SMYD3: variants seen among roughly 807,000 people sequenced by gnomAD.
SMYD3 encodes histone-lysine N-methyltransferase SMYD3.
SMYD3 carries 36 observed loss-of-function variants against 57.7 expected under a neutral mutation model. The observed-to-expected ratio is 0.62, with a 90% confidence interval of 0.48 to 0.82. The LOEUF (loss-of-function observed/expected upper bound fraction) is 0.82, where lower values mean the gene tolerates loss of function less well. Among genes scored for constraint, SMYD3 ranks in the 40% least tolerant of loss-of-function variants. The pLI is 0.00. For synonymous variants in SMYD3, 211 were observed against 195.0 expected (o/e 1.08, Z -0.68); for missense variants, 515 against 538.8 (o/e 0.96, Z 0.44).
At chr1:245,820,255 A>C (rs1391744767) in intron 10 of SMYD3, among the ~76,000 whole-genome samples, 19 of 151,614 alleles carry the variant, frequency 1.3e-4, no homozygotes, top group Admixed American at 9.9e-4. Flanking sequence ...GCAAATCAAT[A>C]AATGTAATCC....
chr1:246,058,602 A>G (rs1025346442), intron 5 of SMYD3, among the ~76,000 whole-genome samples: 10 of 152,162 alleles, frequency 6.6e-5, no homozygotes, highest in African/African-American at 2.4e-4. Context: ...CATTTGGAAG[A>G]TTGTCTTTCA....
At chr1:245,859,170 C>A (rs2051406688) in intron 9 of SMYD3, among the ~76,000 whole-genome samples, 1 of 152,210 alleles carries the variant, frequency 6.6e-6, no homozygotes, top group African/African-American at 2.4e-5. Flanking sequence ...CAAAAACTCA[C>A]ACAACCCACA....
intron 5 of SMYD3, among the ~76,000 whole-genome samples, chr1:246,179,451 T>C (rs541035326): frequency 1.3e-5 from 2 of 152,346 alleles, no homozygotes; most frequent in South Asian, 2.1e-4. Flanking sequence ...CACTGAATTC[T>C]ATTTTCTCAG....
At chr1:245,901,644 C>T (rs1423388684) in intron 8 of SMYD3, among the ~76,000 whole-genome samples, 1 of 14,698 alleles carries the variant, frequency 6.8e-5, no homozygotes, top group East Asian at 4.1e-3. Flanking sequence ...GCACTCATCT[C>T]CTCCACCAAA....
At chr1:246,257,027 G>A (rs1184151291) in intron 5 of SMYD3, among the ~76,000 whole-genome samples, 1 of 152,108 alleles carries the variant, frequency 6.6e-6, no homozygotes, top group East Asian at 1.9e-4. Context: ...TTAGAATATG[G>A]TTGCTATGAT....
intron 8 of SMYD3, among the ~76,000 whole-genome samples, chr1:245,875,208 C>T (rs1230329505): frequency 6.6e-6 from 1 of 152,264 alleles, no homozygotes; most frequent in East Asian, 1.9e-4. Flanking sequence ...GCCTCCACCT[C>T]CATTCTCTTG....
intron 5 of SMYD3, among the ~76,000 whole-genome samples, chr1:246,027,833 C>A (rs1187645212): frequency 6.6e-6 from 1 of 152,168 alleles, no homozygotes; most frequent in Non-Finnish European, 1.5e-5. Context: ...CTATAGCTGC[C>A]ATCAATATTG....
At chr1:246,327,898 A>G (rs1460719377) in intron 4 of SMYD3, among the ~76,000 whole-genome samples, 1 of 152,232 alleles carries the variant, frequency 6.6e-6, no homozygotes, top group African/African-American at 2.4e-5. Context: ...TGAGTTGAAT[A>G]AACAAGATAA....
chr1:246,140,045 G>A (rs1398613778), intron 5 of SMYD3, among the ~76,000 whole-genome samples: 1 of 152,128 alleles, frequency 6.6e-6, no homozygotes, highest in African/African-American at 2.4e-5. Flanking sequence ...CATAAGAATG[G>A]ACAAATCATT....
intron 5 of SMYD3, among the ~76,000 whole-genome samples, chr1:246,201,639 A>G (rs1473362586): frequency 6.6e-6 from 1 of 152,224 alleles, no homozygotes; most frequent in African/African-American, 2.4e-5. Context: ...CTAACTTACC[A>G]CACTTCAAAC....
intron 8 of SMYD3, among the ~76,000 whole-genome samples, chr1:245,884,240 C>G (rs973431710): frequency 6.6e-6 from 1 of 152,098 alleles, no homozygotes; most frequent in Non-Finnish European, 1.5e-5. Context: ...TCTCCCTGAC[C>G]ATGATGCAGC....
chr1:245,800,728 G>A (rs539292280), intron 10 of SMYD3, among the ~76,000 whole-genome samples: 78 of 152,166 alleles, frequency 5.1e-4, no homozygotes, highest in African/African-American at 1.8e-3. Flanking sequence ...TTTTCCTAAA[G>A]CAAGTAGTGG....
rs183658449 is a variant in SMYD3, at chr1:246,165,173, G to A, written c.531+162028C>T. ...AGCAACATGGAGATTGCTGCTCATC[G>A]CAACTACAGCAGTTTCAATTGAGTT... On this transcript the variant is annotated intron_variant, in intron 5 of 11. Transcript: ENST00000490107. 3.9e-5 allele frequency among the ~76,000 whole-genome samples: 6 copies of A among 152,328 alleles called. No homozygotes were observed. The South Asian group carries it at 8.3e-4, about 21-fold the overall frequency.
At chr1:246,498,546 A>T (rs2068403782) in intron 1 of SMYD3, among the ~76,000 whole-genome samples, 1 of 152,222 alleles carries the variant, frequency 6.6e-6, no homozygotes, top group Non-Finnish European at 1.5e-5. Context: ...ATCCTGGCTA[A>T]TGGTGAAACC....
At chr1:246,443,845 T>C (rs999296234) in intron 1 of SMYD3, among the ~76,000 whole-genome samples, 1 of 152,218 alleles carries the variant, frequency 6.6e-6, no homozygotes, top group African/African-American at 2.4e-5. Flanking sequence ...CCAAACAATC[T>C]AATTGTTAAG....
At chr1:246,184,319 T>C (rs1410256908) in intron 5 of SMYD3, among the ~76,000 whole-genome samples, 1 of 152,168 alleles carries the variant, frequency 6.6e-6, no homozygotes, top group South Asian at 2.1e-4. Flanking sequence ...TGGGAAAACC[T>C]TGTAACCACT....
intron 2 of SMYD3, among the ~76,000 whole-genome samples, chr1:246,349,522 G>T (rs376218096): frequency 6.6e-6 from 1 of 152,180 alleles, no homozygotes; most frequent in East Asian, 1.9e-4. Flanking sequence ...GAAGGAGGAT[G>T]AGTTGAACTG....
chr1:246,355,170 A>G lies in SMYD3; in HGVS notation c.165-76T>C, dbSNP rs2065891911. ...TACATAGTTGAAGAAAGAAAACATA[A>G]GTCAACATACGGACACCCGTATGTT... is the stretch of plus-strand genomic sequence containing the variant. On this transcript the variant is annotated intron_variant, in intron 1 of 11. Coordinates refer to ENST00000490107, the MANE Select transcript of SMYD3 (RefSeq NM_001167740.2). The surrounding 1 kb of genome is among the most constrained non-coding windows in gnomAD (Gnocchi z 5.0). The G allele has an allele frequency of 7.0e-7, 1 of 1,433,674 alleles. No individual in the cohort carries two copies. The highest frequency in any genetic ancestry group is 9.8e-7 in the Non-Finnish European group (1 of 1,017,094). 88.8% of individuals were successfully genotyped at this position (1,433,674 alleles called of 1,614,324 possible).
intron 10 of SMYD3, among the ~76,000 whole-genome samples, chr1:245,769,805 G>C (rs1356396463): frequency 3.3e-5 from 5 of 151,998 alleles, no homozygotes; most frequent in Non-Finnish European, 7.4e-5. Context: ...CAAGACGTTA[G>C]TTCCAGGATC....
Sources: gnomAD v4.1 joint callset for allele counts (sites outside exome capture counted in the v4.1 genomes callset) on GRCh38, gnomAD v4.1.1 for gene constraint, Gnocchi (gnomAD v3.1) non-coding constraint, MANE v1.5 for transcripts, NCBI Gene and HGNC (gene_info 2026-07-23, HGNC 2026-07-21) for gene names.